RGS7: variants seen among roughly 807,000 people sequenced by gnomAD.
RGS7 encodes the protein regulator of G protein signaling 7, also known as regulator of G-protein signaling 7.
Under a neutral mutation model 81.1 loss-of-function variants are expected in RGS7, and 27 were observed. That is an observed-to-expected ratio of 0.33 (90% CI 0.25 to 0.46). The LOEUF is 0.46. Ranked by LOEUF, RGS7 falls within the 20% of genes least tolerant of loss-of-function variation. The pLI is 1.00. For synonymous variants in RGS7, 208 were observed against 207.7 expected (o/e 1.00, Z -0.01); for missense variants, 396 against 607.4 (o/e 0.65, Z 3.66).
chr1:241,311,196 T>C (rs539595639), intron 2 of RGS7, among the ~76,000 whole-genome samples: 1 of 152,322 alleles, frequency 6.6e-6, no homozygotes, highest in Admixed American at 6.5e-5. Context: ...ACACAATTTG[T>C]TTTTCTATAA....
chr1:241,204,756 C>G (rs1401158191), intron 2 of RGS7, among the ~76,000 whole-genome samples: 1 of 151,574 alleles, frequency 6.6e-6, no homozygotes, highest in Non-Finnish European at 1.5e-5. Context: ...ATGGCACACT[C>G]TGGGGTTTTC....
intron 2 of RGS7, among the ~76,000 whole-genome samples, chr1:241,198,581 T>G (rs1302155574): frequency 6.6e-6 from 1 of 152,042 alleles, no homozygotes; most frequent in Non-Finnish European, 1.5e-5. Flanking sequence ...TGACATAAAA[T>G]GAACAAATTT....
intron 3 of RGS7, among the ~76,000 whole-genome samples, chr1:241,034,544 CAAAG>C (rs1188338324): frequency 6.6e-6 from 1 of 152,084 alleles, no homozygotes; most frequent in African/African-American, 2.4e-5. Context: ...CATTTGATGA[CAAAG>C]AGTCATGAGA....
At chr1:241,060,289 A>T (rs1395107579) in intron 3 of RGS7, among the ~76,000 whole-genome samples, 1 of 152,222 alleles carries the variant, frequency 6.6e-6, no homozygotes, top group Non-Finnish European at 1.5e-5. Flanking sequence ...AGAAAACAAC[A>T]CGTTAAACAA....
chr1:240,913,416 T>G (rs551929388), intron 6 of RGS7, among the ~76,000 whole-genome samples: 1 of 152,316 alleles, frequency 6.6e-6, no homozygotes, highest in Non-Finnish European at 1.5e-5. Flanking sequence ...GGAAGTTTTG[T>G]GTTTTGAAAT....
At chr1:241,184,794 G>T (rs1166912167) in intron 2 of RGS7, among the ~76,000 whole-genome samples, 1 of 152,048 alleles carries the variant, frequency 6.6e-6, no homozygotes, top group Non-Finnish European at 1.5e-5. Context: ...AACACTTTTG[G>T]TCTGAAGCAT....
intron 9 of RGS7, among the ~76,000 whole-genome samples, chr1:240,857,647 C>T (rs2147964150): frequency 6.6e-6 from 1 of 152,250 alleles, no homozygotes; most frequent in South Asian, 2.1e-4. Context: ...CCTTCTAAGA[C>T]TGGTTTCTTT....
At chr1:241,012,752 C>T (rs924611643) in intron 3 of RGS7, among the ~76,000 whole-genome samples, 2 of 152,180 alleles carry the variant, frequency 1.3e-5, no homozygotes, top group African/African-American at 2.4e-5. Context: ...AACACCCAGG[C>T]TCTCTCTGAG....
chr1:241,241,166 C>CA (rs1222291474), intron 2 of RGS7, among the ~76,000 whole-genome samples: 19 of 152,012 alleles, frequency 1.2e-4, no homozygotes, highest in Non-Finnish European at 2.9e-5. Flanking sequence ...GGTCTCAACA[C>CA]AGACATATTT....
At chr1:241,221,039 A>AAAG (rs2074943696) in intron 2 of RGS7, among the ~76,000 whole-genome samples, 32 of 92,784 alleles carry the variant, frequency 3.4e-4, no homozygotes, top group East Asian at 1.9e-3. Flanking sequence ...GGAAGGAAGG[A>AAAG]AAAGAAAGAA....
At chr1:241,236,922 C>T (rs2076013119) in intron 2 of RGS7, among the ~76,000 whole-genome samples, 1 of 152,184 alleles carries the variant, frequency 6.6e-6, no homozygotes, top group Admixed American at 6.5e-5. Flanking sequence ...AAGCAATCTT[C>T]TTTCTTCCCA....
intron 6 of RGS7, among the ~76,000 whole-genome samples, chr1:240,906,206 TTC>T (rs1393738745): frequency 6.6e-6 from 1 of 152,064 alleles, no homozygotes; most frequent in African/African-American, 2.4e-5. Context: ...GGTGAAACGA[TTC>T]TCTTTGATGA....
At chr1:241,235,633 T>TCC (rs2075903030) in intron 2 of RGS7, among the ~76,000 whole-genome samples, 16 of 70,830 alleles carry the variant, frequency 2.3e-4, no homozygotes, top group Admixed American at 1.2e-3. Context: ...TTTCTCTCTT[T>TCC]TTTCTTTTTT....
chr1:241,107,129 C>T (rs996911349), intron 2 of RGS7, among the ~76,000 whole-genome samples: 1 of 152,160 alleles, frequency 6.6e-6, no homozygotes, highest in African/African-American at 2.4e-5. Context: ...AGCAGCCCGC[C>T]TTTAGGGCAT....
chr1:240,904,934 T>TTTTA (rs1670582811), intron 6 of RGS7, among the ~76,000 whole-genome samples: 1 of 152,216 alleles, frequency 6.6e-6, no homozygotes, highest in African/African-American at 2.4e-5. Context: ...TAAAGCATGA[T>TTTTA]AGGGTGCTTG....
intron 6 of RGS7, among the ~76,000 whole-genome samples, chr1:240,922,781 T>C (rs1673795076): frequency 6.6e-6 from 1 of 152,110 alleles, no homozygotes; most frequent in African/African-American, 2.4e-5. Context: ...TGCAAAATAG[T>C]GTAGCCACTT....
intron 2 of RGS7, among the ~76,000 whole-genome samples, chr1:241,134,386 A>G (rs1403391105): frequency 6.6e-6 from 1 of 152,238 alleles, no homozygotes; most frequent in African/African-American, 2.4e-5. Flanking sequence ...TATTAGCCTG[A>G]ACTCTTCCAA....
intron 2 of RGS7, among the ~76,000 whole-genome samples, chr1:241,165,735 C>A (rs146409827): frequency 6.7e-6 from 1 of 149,664 alleles, no homozygotes; most frequent in East Asian, 2.0e-4. Flanking sequence ...ACATATGTAA[C>A]TAACCTGAAC....
chr1:241,343,248 C>A (rs549541606), intron 2 of RGS7, among the ~76,000 whole-genome samples: 3 of 130,234 alleles, frequency 2.3e-5, no homozygotes, highest in South Asian at 5.3e-4. Flanking sequence ...GGCGACAGAG[C>A]GAGACTGTGT....
Sources: allele counts gnomAD v4.1 joint callset (sites outside exome capture counted in the v4.1 genomes callset), GRCh38; gene constraint gnomAD v4.1.1; transcripts MANE v1.5; gene names NCBI Gene and HGNC (gene_info 2026-07-23, HGNC 2026-07-21).